The following GLYR1 variants were observed in gnomAD, a reference collection of about 807,000 sequenced individuals.
The protein encoded by GLYR1 is glyoxylate reductase 1 homolog.
A neutral mutation model predicts 72.7 loss-of-function variants in GLYR1; 21 were observed. The observed-to-expected ratio is 0.29, with a 90% CI of 0.20 to 0.42. GLYR1 has a LOEUF of 0.42. Among genes scored for constraint, GLYR1 ranks in the 10% least tolerant of loss-of-function variants. The pLI is 1.00. For synonymous variants in GLYR1, 392 were observed against 270.2 expected (o/e 1.45, Z -4.42); for missense variants, 594 against 712.1 (o/e 0.83, Z 1.89).
chr16:4,807,849 T>C (rs2083084153), intron 15 of GLYR1, among the ~76,000 whole-genome samples: 1 of 152,174 alleles, frequency 6.6e-6, no homozygotes, highest in Non-Finnish European at 1.5e-5. Flanking sequence ...ACTGGTAGAA[T>C]GAACAGGGGG....
At chr16:4,845,638 A>G (rs915568861) in intron 2 of GLYR1, among the ~76,000 whole-genome samples, 2 of 152,192 alleles carry the variant, frequency 1.3e-5, no homozygotes, top group African/African-American at 4.8e-5. Flanking sequence ...CCATATTGCA[A>G]AGAGACCATC....
chr16:4,809,221 ACT>A (rs202095638), intron 15 of GLYR1, among the ~76,000 whole-genome samples: 12,567 of 123,914 alleles, frequency 0.1, 809 homozygotes, highest in Middle Eastern at 0.15. Flanking sequence ...ATGGAGTCTC[ACT>A]CTGTTGCCCA....
At chr16:4,818,288 C>T (rs547966604) in intron 9 of GLYR1, among the ~76,000 whole-genome samples, 6 of 152,254 alleles carry the variant, frequency 3.9e-5, no homozygotes, top group South Asian at 4.1e-4. Context: ...CCACCATGCC[C>T]GGCCTCACAC....
chr16:4,826,586 G>T (rs1306457257), intron 5 of GLYR1, among the ~76,000 whole-genome samples: 4 of 152,226 alleles, frequency 2.6e-5, no homozygotes, highest in African/African-American at 9.6e-5. Context: ...GCCTATAGGA[G>T]AATTACTCAA....
chr16:4,805,429 G>C (rs1203421917), intron 15 of GLYR1, 119 bp from the exon 16 acceptor site: 1 of 808,160 alleles, frequency 1.2e-6, no homozygotes, highest in Non-Finnish European at 2.1e-6. Flanking sequence ...CAGGCTGTCC[G>C]GTTAGGAATC....
In GLYR1 at chr16:4,838,042, G is replaced by C. The variant is rs1373733401; in HGVS notation, c.156-5130C>G. Reference sequence around the variant, plus strand: ...AAGGTGTGGGTTTGCTTCTCCATTTGGATTTGGTGAATACTTAGTAAACAA... The same window carrying C: ...AAGGTGTGGGTTTGCTTCTCCATTTCGATTTGGTGAATACTTAGTAAACAA... On this transcript the variant is annotated intron_variant, in intron 3 of 15. Transcript: ENST00000321919. Among the ~76,000 whole-genome samples the C allele has an allele frequency of 2.0e-5, 3 of 151,938 alleles. 1 individual carries two copies. Among genetic ancestry groups the C allele is most frequent in the Admixed American group, 2.0e-4 (3 of 15,258 alleles).
At chr16:4,815,691 C>T (rs949072271) in intron 10 of GLYR1, among the ~76,000 whole-genome samples, 1 of 152,144 alleles carries the variant, frequency 6.6e-6, no homozygotes, top group Non-Finnish European at 1.5e-5. Context: ...TATGCCAGTA[C>T]CAAGTATGTA....
chr16:4,816,511 A>G lies in GLYR1; in HGVS notation c.906+1087T>C, dbSNP rs116554514. Reference sequence around the variant, plus strand: ...TCAAACTATGTTTAATAAAAGCAACATATTACCCTTCTTACGTATTTGCTA... The same window carrying G: ...TCAAACTATGTTTAATAAAAGCAACGTATTACCCTTCTTACGTATTTGCTA... On this transcript the variant is annotated intron_variant, in intron 10 of 15. Coordinates refer to ENST00000321919, the MANE Select transcript of GLYR1 (RefSeq NM_032569.4). 7.3e-3 allele frequency among the ~76,000 whole-genome samples: 1,115 copies of G among 152,258 alleles called. 20 individuals carry two copies. Among genetic ancestry groups the G allele is most frequent in the African/African-American group, 0.026 (1,073 of 41,552 alleles).
In GLYR1 at chr16:4,843,396, C is replaced by T. The variant is rs926299728; in HGVS notation, c.155+1678G>A. ...TCTCGAACTCATGACCTCCAGTGAT[C>T]CACCCACCTTGGCCTCCCAAAGTAC... On this transcript the variant is annotated intron_variant, in intron 3 of 15. Transcript: ENST00000321919. The T allele has an allele frequency of 5.0e-6, 5 of 1,001,758 alleles. No homozygotes were observed. In the Admixed American group the frequency reaches 1.2e-4, roughly 24 times the overall value. 62.1% of individuals were successfully genotyped at this position (1,001,758 alleles called of 1,614,324 possible).
rs2083733277 is a variant in GLYR1 at position 4,817,615 on chromosome 16, T to A, written c.889A>T (p.Asn297Tyr). 1 of 1,611,302 alleles carries A rather than the reference T, an allele frequency of 6.2e-7. No individual in the cohort carries two copies. The highest frequency in any genetic ancestry group is 1.3e-5 in the African/African-American group (1 of 74,854). The change falls in exon 10 of 16, where the codon AAC becomes TAC. Residue 297 changes from asparagine (N) to tyrosine (Y), a missense_variant. Coordinates refer to ENST00000321919, the MANE Select transcript of GLYR1 (RefSeq NM_032569.4). ...ATGCTTACTTTCTCTGCAGTGCGGT[T>A]CCAGACAGTCACTGTGTGACCCATT... ...LKMGHTVTVW[N>Y]RTAEKCDLFI...
At chr16:4,812,039 G>C in intron 13 of GLYR1, 47 bp downstream of exon 13, 5 of 1,586,962 alleles carry the variant, frequency 3.2e-6, no homozygotes, top group Non-Finnish European at 4.3e-6. Flanking sequence ...GTGAAACAGA[G>C]GAGATGTGGC....
In GLYR1 at chr16:4,811,154, G is replaced by A; in HGVS notation, c.1587+16C>T. On this transcript the variant is annotated intron_variant, in intron 15 of 15. Transcript: ENST00000321919. ...GAAACTGAAGGGCCTTGGGGCTTGG[G>A]CCACATCTACCCTACCTCATTTGCT... is the stretch of plus-strand genomic sequence containing the variant. The A allele has an allele frequency of 6.2e-7, 1 of 1,610,064 alleles. No homozygotes were observed. Among genetic ancestry groups the A allele is most frequent in the Non-Finnish European group, 8.5e-7 (1 of 1,179,052 alleles).
At chr16:4,843,783 T>C (rs961971546) in intron 3 of GLYR1, 46 of 421,842 alleles carry the variant, frequency 1.1e-4, no homozygotes, top group Non-Finnish European at 1.5e-4. Context: ...GAATAATAAA[T>C]AGAAATACAA....
rs1051132007 is a variant in GLYR1 at position 4,846,713 on chromosome 16, C to T, written c.39-503G>A. On this transcript the variant is annotated intron_variant, in intron 1 of 15. Transcript: ENST00000321919. ...CGTGCACTGGTCACTGCCAAGCCAT[C>T]GGTTGTAAAGGAGAAGTCCCCCCGC... The T allele has an allele frequency of 7.4e-5, 17 of 230,970 alleles. No homozygotes were observed. In the East Asian group the frequency reaches 1.9e-3, roughly 26 times the overall value. 14.3% of individuals were successfully genotyped at this position (230,970 alleles called of 1,614,324 possible).
rs55911609 is a variant in GLYR1, at chr16:4,804,926, C to T, written c.*310G>A. ...TTTCTGGGCAGCTTCTATCCTGGGG[C>T]GAGAGCCTGTGTGTGTGTGTGTGTG... On this transcript the variant is annotated 3_prime_UTR_variant, in exon 16 of 16. Coordinates refer to ENST00000321919, the MANE Select transcript of GLYR1 (RefSeq NM_032569.4). 1,289 of 358,328 alleles carry T rather than the reference C, an allele frequency of 3.6e-3. 14 individuals carry two copies. The highest frequency in any genetic ancestry group is 0.026 in the African/African-American group (1,188 of 45,312). 22.2% of individuals were successfully genotyped at this position (358,328 alleles called of 1,614,324 possible).
intron 3 of GLYR1, among the ~76,000 whole-genome samples, chr16:4,835,856 A>G (rs926776339): frequency 6.6e-6 from 1 of 152,174 alleles, no homozygotes; most frequent in Non-Finnish European, 1.5e-5. Context: ...AAAAAAACCC[A>G]GCTTACCAGA....
At chr16:4,832,330 C>G in intron 4 of GLYR1, 109 bp from the exon 5 acceptor site, 1 of 1,299,300 alleles carries the variant, frequency 7.7e-7, no homozygotes, top group South Asian at 1.4e-5. Flanking sequence ...GTGGTCTCCT[C>G]ACAATGACCC....
At chr16:4,832,459 T>C (rs2084861902) in intron 4 of GLYR1, 1 of 598,188 alleles carries the variant, frequency 1.7e-6, no homozygotes, top group African/African-American at 1.9e-5. Flanking sequence ...ATCTAGGCAG[T>C]ATATGTATTT....
At chr16:4,811,574 T>C in intron 14 of GLYR1, 49 bp downstream of exon 14, 1 of 1,603,342 alleles carries the variant, frequency 6.2e-7, no homozygotes, top group Middle Eastern at 2.2e-4. Flanking sequence ...CCTAGTACCC[T>C]GCTCTAATCA....
Sources: allele counts gnomAD v4.1 joint callset (sites outside exome capture counted in the v4.1 genomes callset), GRCh38; gene constraint gnomAD v4.1.1; transcripts MANE v1.5; gene names NCBI Gene and HGNC (gene_info 2026-07-23, HGNC 2026-07-21).